The following ZNFX1 variants were observed in gnomAD, a reference collection of about 807,000 sequenced individuals.
ZNFX1 encodes the protein NFX1-type zinc finger-containing protein 1.
ZNFX1 carries 78 observed loss-of-function variants against 179.8 expected under a neutral mutation model. The observed-to-expected ratio is 0.43, with a 90% CI of 0.36 to 0.52. The LOEUF (loss-of-function observed/expected upper bound fraction) is 0.52, where lower values mean the gene tolerates loss of function less well. Ranked by LOEUF, ZNFX1 falls within the 20% of genes least tolerant of loss-of-function variation. The pLI, the probability that ZNFX1 is intolerant of heterozygous loss-of-function variation, is 0.00. For synonymous variants in ZNFX1, 848 were observed against 868.5 expected (o/e 0.98, Z 0.42); for missense variants, 1,927 against 2,386.6 (o/e 0.81, Z 4.01).
rs11324394 is a variant in ZNFX1, at chr20:49,254,029, CTTTTTTTT to C, written c.2960-226_2960-219del. 2.8e-3 allele frequency among the ~76,000 whole-genome samples: 406 copies of C among 145,876 alleles called. 3 individuals carry two copies. Among genetic ancestry groups the C allele is most frequent in the African/African-American group, 8.8e-3 (351 of 40,002 alleles). On this transcript the variant is annotated intron_variant, in intron 10 of 13. Coordinates refer to ENST00000396105, the MANE Select transcript of ZNFX1 (RefSeq NM_021035.3). ...GAGAAAGTGAGTGAATTTCTTTTTT[CTTTTTTTT>C]TTTTTCTTTGAGACAGTCTCACTCT... is the stretch of plus-strand genomic sequence containing the variant.
At position 49,247,355 on chromosome 20, in the gene ZNFX1, G is replaced by A; in HGVS notation, c.5669C>T (p.Ala1890Val). 1 of 1,614,152 alleles carries A rather than the reference G, an allele frequency of 6.2e-7. No homozygotes were observed. The highest frequency in any genetic ancestry group is 2.2e-5 in the East Asian group (1 of 44,870). The change falls in exon 14 of 14, where the codon GCT (alanine) becomes GTT (valine). Residue 1890 changes from alanine to valine, a missense_variant. Transcript: ENST00000396105. ...NHTLERSNQL[A>V]SEMDGAQHAA... ...ATGCTGGGCTCCATCCATTTCAGAA[G>A]CAAGCTGGTTGCTTCTTTCCAGAGT... is the stretch of plus-strand genomic sequence containing the variant.
rs1047168764 is a variant in ZNFX1 at position 49,252,690 on chromosome 20, T to C, written c.3216+30A>G. 6 of 1,580,060 alleles carry C rather than the reference T, an allele frequency of 3.8e-6. No individual in the cohort carries two copies. In the Admixed American group the frequency reaches 1.0e-4, roughly 26 times the overall value. The stretch of plus-strand genomic sequence containing the variant: ...CTTCCCAGGAGCTTTCTCCTGGGCA[T>C]TTGGTAACAACAGAGGCCCAGCTTC... On this transcript the variant is annotated intron_variant, in intron 12 of 13. Transcript: ENST00000396105.
In ZNFX1 at chr20:49,271,462, G is replaced by C. The variant is rs1348816026; in HGVS notation, c.350C>G (p.Pro117Arg). 2 of 1,614,168 alleles carry C rather than the reference G, an allele frequency of 1.2e-6. No homozygotes were observed. The highest frequency in any genetic ancestry group is 1.7e-6 in the Non-Finnish European group (2 of 1,180,014). The change falls in exon 3 of 14, where the codon CCA (proline) becomes CGA (arginine). Residue 117 changes from proline (P) to arginine (R), a missense_variant. Coordinates refer to ENST00000396105, the MANE Select transcript of ZNFX1 (RefSeq NM_021035.3). ...CTGGAAGTTGTCATTGGACCATGGT[G>C]GTCTGCGGTTCCTACAGTCCTGGTT... ...NGNQDCRNRR[P>R]PWSNDNFQQW...
intron 6 of ZNFX1, 56 bp from the exon 7 acceptor site, chr20:49,260,633 T>G: frequency 7.7e-7 from 1 of 1,299,468 alleles, no homozygotes; most frequent in South Asian, 1.3e-5. Flanking sequence ...ATGTGAAGGC[T>G]GGGTCTCCTC....
chr20:49,266,189 A>T lies in ZNFX1; in HGVS notation c.1948T>A (p.Phe650Ile), dbSNP rs1470426420. Residue 650 changes from phenylalanine to isoleucine, a missense_variant, in exon 4 of 14, where the codon TTC becomes ATC. By Grantham distance (21) the Phe-to-Ile change is conservative. Transcript: ENST00000396105. ...GTATAACACACAACCAAGATGGGGA[A>T]CTTCTGGAGGCTAATTTGCCAAACA... ...ESVWQISLQK[F>I]PILVVCYTNH... is the part of the protein sequence containing the mutation. 17 of 1,613,252 alleles carry T rather than the reference A, an allele frequency of 1.1e-5. No homozygotes were observed. Among genetic ancestry groups the T allele is most frequent in the African/African-American group, 1.3e-5 (1 of 74,922 alleles).
At chr20:49,259,698 G>C (rs541656024) in intron 7 of ZNFX1, among the ~76,000 whole-genome samples, 1 of 152,210 alleles carries the variant, frequency 6.6e-6, no homozygotes, top group South Asian at 2.1e-4. Context: ...CAAAGTGCTG[G>C]GATTACATGC....
Position 49,267,911 on chromosome 20 carries a change from T to C in ZNFX1, c.1871-1645A>G, listed in dbSNP as rs1215571781. ...TTTTTTGAGGTGGAGTCTTGCTCTG[T>C]TGCCCAGGCTAGAGTGCAGTGGAGC... On this transcript the variant is annotated intron_variant, in intron 3 of 13. Coordinates refer to ENST00000396105, the MANE Select transcript of ZNFX1 (RefSeq NM_021035.3). Among the ~76,000 whole-genome samples, 3 of 151,752 alleles carry C rather than the reference T, an allele frequency of 2.0e-5. No individual in the cohort carries two copies. The East Asian group carries it at 5.8e-4, about 29-fold the overall frequency.
chr20:49,274,754 G>A (rs187548087), intron 2 of ZNFX1, among the ~76,000 whole-genome samples: 43 of 151,978 alleles, frequency 2.8e-4, no homozygotes, highest in Non-Finnish European at 5.2e-4. Context: ...GCGAGACTCC[G>A]TCTCAAAATA....
At chr20:49,275,463 C>CAGT (rs1981532842) in intron 2 of ZNFX1, among the ~76,000 whole-genome samples, 2 of 152,158 alleles carry the variant, frequency 1.3e-5, no homozygotes, top group African/African-American at 2.4e-5. Flanking sequence ...CCTCCCACTT[C>CAGT]AGCCTCCCAA....
chr20:49,253,984 T>TG (rs1980906346), intron 10 of ZNFX1, among the ~76,000 whole-genome samples, 173 bp from the exon 11 acceptor site: 1 of 152,082 alleles, frequency 6.6e-6, no homozygotes, highest in African/African-American at 2.4e-5. Context: ...TGGTCACTGT[T>TG]GGAGTTTCAA....
chr20:49,274,396 G>A (rs982773331), intron 2 of ZNFX1, among the ~76,000 whole-genome samples: 6 of 152,128 alleles, frequency 3.9e-5, no homozygotes, highest in Non-Finnish European at 7.4e-5. Context: ...ATAACATTTT[G>A]GTTATACTGG....
intron 4 of ZNFX1, among the ~76,000 whole-genome samples, chr20:49,265,666 CAAG>C: frequency 6.6e-6 from 1 of 151,776 alleles, no homozygotes; most frequent in Non-Finnish European, 1.5e-5. Context: ...GTGAATACAG[CAAG>C]AAAAGGACCA....
chr20:49,270,171 C>G lies in ZNFX1; in HGVS notation c.1641G>C (p.Arg547Ser). 6.2e-7 allele frequency: 1 copy of G among 1,614,066 alleles called. No individual in the cohort carries two copies. Among genetic ancestry groups the G allele is most frequent in the Non-Finnish European group, 8.5e-7 (1 of 1,180,016 alleles). Reference protein sequence around the residue: ...VECNSHVKEPRYLLMGGRYDF... With the variant: ...VECNSHVKEPSYLLMGGRYDF... ...CGTATCTGCCCCCCATTAGCAAGTA[C>G]CTTGGCTCCTTCACATGAGAGTTAC... Residue 547 changes from arginine to serine, a missense_variant, in exon 3 of 14, where the codon AGG (arginine) becomes AGC (serine). Physicochemically the swap from Arg to Ser is moderately radical, Grantham distance 110. Transcript: ENST00000396105. The surrounding 1 kb of genome is among the most constrained non-coding windows in gnomAD (Gnocchi z 4.6).
chr20:49,266,110 G>C (rs749205698), intron 4 of ZNFX1, 25 bp downstream of exon 4: 10 of 1,601,188 alleles, frequency 6.2e-6, no homozygotes, highest in Non-Finnish European at 7.6e-6. Context: ...TCTTGATAGA[G>C]AACAAATTTG....
At chr20:49,260,602 G>A (rs373731513) in intron 6 of ZNFX1, 25 bp from the exon 7 acceptor site, 15 of 1,523,086 alleles carry the variant, frequency 9.8e-6, no homozygotes, top group African/African-American at 1.4e-5. Context: ...ATGATCATTT[G>A]TGAGGATTCT....
chr20:49,251,039 A>T (rs1265088730), intron 13 of ZNFX1, among the ~76,000 whole-genome samples: 1 of 151,952 alleles, frequency 6.6e-6, no homozygotes, highest in Non-Finnish European at 1.5e-5. Flanking sequence ...TTAAGGTTAC[A>T]TGGCTAACAG....
In ZNFX1 at chr20:49,253,821, G is replaced by A; in HGVS notation, c.2960-10C>T. ...CGGTATTTGGCAGCACCTCAAGTGAGGAAAGAAGAGAAAGGCTCCTCTGAG... is the reference window on the plus strand; with the variant it reads ...CGGTATTTGGCAGCACCTCAAGTGAAGAAAGAAGAGAAAGGCTCCTCTGAG... On this transcript the variant is annotated splice_polypyrimidine_tract_variant and intron_variant, in intron 10 of 13. Transcript: ENST00000396105. 1.2e-6 allele frequency: 2 copies of A among 1,613,752 alleles called. No homozygotes were observed. The highest frequency in any genetic ancestry group is 1.7e-6 in the Non-Finnish European group (2 of 1,179,958).
chr20:49,253,528 C>T (rs545623314), intron 11 of ZNFX1, 138 bp downstream of exon 11: 57 of 1,010,206 alleles, frequency 5.6e-5, no homozygotes, highest in African/African-American at 2.0e-4. Flanking sequence ...TTAGACTGAA[C>T]GTGGGAGGTG....
Position 49,263,417 on chromosome 20 carries a change from T to C in ZNFX1, c.2218A>G (p.Met740Val). ...HEGAKTLECT[M>V]RGVLREQYLQ... ...TACTGTTCCCGTAGGACACCACGCA[T>C]GGTGCACTCCAGGGTCTTGGCTCCT... The change falls in exon 6 of 14, where the codon ATG (methionine) becomes GTG (valine). Residue 740 changes from methionine (M) to valine (V), a missense_variant. Transcript: ENST00000396105. 6.2e-7 allele frequency: 1 copy of C among 1,613,092 alleles called. No homozygotes were observed. The highest frequency in any genetic ancestry group is 8.5e-7 in the Non-Finnish European group (1 of 1,179,552).
Sources: allele counts gnomAD v4.1 joint callset (sites outside exome capture counted in the v4.1 genomes callset), GRCh38; gene constraint gnomAD v4.1.1; non-coding constraint Gnocchi (gnomAD v3.1); transcripts MANE v1.5; gene names NCBI Gene and HGNC (gene_info 2026-07-23, HGNC 2026-07-21).